The following ARHGAP6 variants were observed in gnomAD, a reference collection of about 807,000 sequenced individuals.
ARHGAP6 encodes rho GTPase-activating protein 6.
In ARHGAP6, 16 loss-of-function variants were observed where a neutral mutation model predicts 55.7. The ratio of observed to expected loss-of-function variants is 0.29; its 90% CI spans 0.19 to 0.44. The LOEUF is 0.44. ARHGAP6 is among the 20% of genes least tolerant of loss of function. The pLI is 1.00. For missense variants in ARHGAP6, 698 were observed against 808.9 expected (o/e 0.86, Z 1.66); for synonymous variants, 382 against 360.9 (o/e 1.06, Z -0.66).
At chrX:11,266,370 C>T (rs1223457762) in intron 1 of ARHGAP6, among the ~76,000 whole-genome samples, 4 of 111,258 alleles carry the variant, frequency 3.6e-5, no homozygotes, top group African/African-American at 1.3e-4. Flanking sequence ...ATTCTCAGTT[C>T]TTAAATTATA....
At chrX:11,385,543 C>T (rs1323887298) in intron 1 of ARHGAP6, among the ~76,000 whole-genome samples, 1 of 111,712 alleles carries the variant, frequency 9.0e-6, no homozygotes, top group Non-Finnish European at 1.9e-5. Flanking sequence ...TTAGGATATG[C>T]AAGTTTTATT....
intron 9 of ARHGAP6, among the ~76,000 whole-genome samples, chrX:11,164,661 A>AACTC (rs2147299590): frequency 8.9e-6 from 1 of 112,084 alleles, no homozygotes; most frequent in East Asian, 2.8e-4. Flanking sequence ...TCAGGCTGAC[A>AACTC]ACTCAGTGGG....
intron 1 of ARHGAP6, among the ~76,000 whole-genome samples, chrX:11,461,814 CA>C (rs1271647180): frequency 9.0e-6 from 1 of 111,669 alleles, no homozygotes; most frequent in Non-Finnish European, 1.9e-5. Flanking sequence ...TTCCTGCAGG[CA>C]GCAACTCTTC....
At chrX:11,176,325 A>T (rs867138019) in intron 8 of ARHGAP6, among the ~76,000 whole-genome samples, 1 of 50,365 alleles carries the variant, frequency 2.0e-5, no homozygotes, top group South Asian at 1.2e-3. Context: ...ATATATATAT[A>T]TATATATATA....
intron 2 of ARHGAP6, among the ~76,000 whole-genome samples, chrX:11,246,567 A>C (rs2047355704): frequency 8.9e-6 from 1 of 112,046 alleles, no homozygotes; most frequent in South Asian, 3.7e-4. Context: ...GGCAGTACAG[A>C]TGATGTTCCA....
chrX:11,452,019 C>A lies in ARHGAP6; in HGVS notation c.589-197312G>T, dbSNP rs1296606812. Among the ~76,000 whole-genome samples the A allele has an allele frequency of 3.1e-4, 35 of 112,550 alleles. No individual in the cohort carries two copies. The Admixed American group carries it at 3.3e-3, about 11-fold the overall frequency. ...GATATAATATTAGTATGGATGCAATCTGAAATCCTAAATATTCCATCAATG... is the reference window on the plus strand; with the variant it reads ...GATATAATATTAGTATGGATGCAATATGAAATCCTAAATATTCCATCAATG... On this transcript the variant is annotated intron_variant, in intron 1 of 12. Coordinates refer to ENST00000337414, the MANE Select transcript of ARHGAP6 (RefSeq NM_013427.3).
intron 2 of ARHGAP6, among the ~76,000 whole-genome samples, chrX:11,205,745 A>T (rs932559399): frequency 9.0e-6 from 1 of 111,675 alleles, no homozygotes; most frequent in Non-Finnish European, 1.9e-5. Flanking sequence ...CTATACTATA[A>T]ATAATTTGTC....
At chrX:11,173,503 T>C (rs1291701705) in intron 8 of ARHGAP6, among the ~76,000 whole-genome samples, 1 of 112,415 alleles carries the variant, frequency 8.9e-6, no homozygotes, top group Non-Finnish European at 1.9e-5. Flanking sequence ...GAGGTTTCAA[T>C]TTTGTTCCTG....
chrX:11,375,542 C>T (rs1234167761), intron 1 of ARHGAP6, among the ~76,000 whole-genome samples: 2 of 111,804 alleles, frequency 1.8e-5, no homozygotes, highest in Admixed American at 9.6e-5. Flanking sequence ...AATCATGTAA[C>T]TGTTGTCTTT....
intron 1 of ARHGAP6, among the ~76,000 whole-genome samples, chrX:11,375,258 T>C (rs1797273345): frequency 8.9e-6 from 1 of 112,233 alleles, no homozygotes; most frequent in Admixed American, 9.5e-5. Flanking sequence ...GCCATTTCAT[T>C]ATCAGCAACA....
chrX:11,629,021 A>G (rs10449069), intron 1 of ARHGAP6, among the ~76,000 whole-genome samples: 1,826 of 99,233 alleles, frequency 0.018, 22 homozygotes, highest in Non-Finnish European at 0.03. Flanking sequence ...GTGTGTGTGT[A>G]TACACGAGCT....
chrX:11,563,643 C>G (rs2051411883), intron 1 of ARHGAP6, among the ~76,000 whole-genome samples: 1 of 111,200 alleles, frequency 9.0e-6, no homozygotes, highest in South Asian at 3.8e-4. Context: ...CAATTAAGAA[C>G]TTGATTGCAG....
intron 1 of ARHGAP6, among the ~76,000 whole-genome samples, chrX:11,553,269 T>C (rs1033217388): frequency 9.6e-6 from 1 of 104,596 alleles, no homozygotes; most frequent in African/African-American, 3.5e-5. Flanking sequence ...TGAGACAGGG[T>C]GTCACTCTAT....
chrX:11,261,034 A>G (rs1252016113), intron 1 of ARHGAP6, among the ~76,000 whole-genome samples: 3 of 111,849 alleles, frequency 2.7e-5, no homozygotes, highest in Non-Finnish European at 5.6e-5. Flanking sequence ...CCACTGAATA[A>G]ATATTTGTCA....
chrX:11,416,519 C>T (rs984368637), intron 1 of ARHGAP6, among the ~76,000 whole-genome samples: 4 of 110,629 alleles, frequency 3.6e-5, no homozygotes, highest in African/African-American at 1.3e-4. Context: ...AACTGTGTCC[C>T]GATGATAAGG....
At chrX:11,177,370 C>T (rs868093389) in intron 8 of ARHGAP6, among the ~76,000 whole-genome samples, 2 of 44,271 alleles carry the variant, frequency 4.5e-5, no homozygotes, top group Non-Finnish European at 4.6e-5. Context: ...ATTTGGTGGG[C>T]GGGGGGGGGG....
At chrX:11,380,738 C>T (rs2049253249) in intron 1 of ARHGAP6, among the ~76,000 whole-genome samples, 1 of 111,999 alleles carries the variant, frequency 8.9e-6, no homozygotes, top group South Asian at 3.8e-4. Context: ...TTTGGCACTA[C>T]TGACATCTGG....
chrX:11,578,575 G>C (rs1198157459), intron 1 of ARHGAP6, among the ~76,000 whole-genome samples: 1 of 112,029 alleles, frequency 8.9e-6, no homozygotes, highest in Non-Finnish European at 1.9e-5. Flanking sequence ...CTTTTACACT[G>C]TTGAAGGGAC....
At chrX:11,324,054 T>C (rs1376565268) in intron 1 of ARHGAP6, among the ~76,000 whole-genome samples, 1 of 110,799 alleles carries the variant, frequency 9.0e-6, no homozygotes, top group Non-Finnish European at 1.9e-5. Flanking sequence ...TGGTTCAGCT[T>C]ACACAATTCT....
Sources: gnomAD v4.1 joint callset for allele counts (sites outside exome capture counted in the v4.1 genomes callset) on GRCh38, gnomAD v4.1.1 for gene constraint, MANE v1.5 for transcripts, NCBI Gene and HGNC (gene_info 2026-07-23, HGNC 2026-07-21) for gene names.